Variants in TMCO5A observed in about 807,000 individuals in gnomAD.
TMCO5A encodes transmembrane and coiled-coil domain-containing protein 5A.
A neutral mutation model predicts 42.3 loss-of-function variants in TMCO5A; 34 were observed. The ratio of observed to expected loss-of-function variants is 0.80; its 90% confidence interval spans 0.61 to 1.07. The LOEUF is 1.07. TMCO5A is among the 50% of genes least tolerant of loss of function. The pLI, the probability that TMCO5A is intolerant of heterozygous loss-of-function variation, is 0.00. For missense variants in TMCO5A, 357 were observed against 327.9 expected, an observed-to-expected ratio of 1.09 and a Z score of -0.69; for synonymous variants, 131 against 115.6, an observed-to-expected ratio of 1.13 and a Z score of -0.86.
intron 11 of TMCO5A, among the ~76,000 whole-genome samples, chr15:37,949,795 A>G (rs1399763354): frequency 6.6e-6 from 1 of 152,176 alleles, no homozygotes; most frequent in Non-Finnish European, 1.5e-5. Context: ...GACTTCAAAG[A>G]ACAAACATTT....
chr15:38,000,512 CATTT>C, the TMCO5A span, among the ~76,000 whole-genome samples: 4 of 151,588 alleles, frequency 2.6e-5, no homozygotes, highest in African/African-American at 9.7e-5. Context: ...AAATTTCATT[CATTT>C]CTGTTAAGAT....
At chr15:37,960,458 T>C (rs1890394765) in intron 11 of TMCO5A, among the ~76,000 whole-genome samples, 1 of 152,134 alleles carries the variant, frequency 6.6e-6, no homozygotes, top group Admixed American at 6.6e-5. Flanking sequence ...GTTGGTTCCA[T>C]GATTTTGCAA....
chr15:38,037,279 G>T, the TMCO5A span, among the ~76,000 whole-genome samples: 1 of 152,166 alleles, frequency 6.6e-6, no homozygotes, highest in Admixed American at 6.5e-5. Flanking sequence ...CTCTATGTTG[G>T]TTTAATCCTA....
the TMCO5A span, among the ~76,000 whole-genome samples, chr15:38,017,673 A>G: frequency 1.3e-5 from 2 of 152,266 alleles, no homozygotes; most frequent in Middle Eastern, 3.4e-3. Flanking sequence ...CACAGCTTTT[A>G]GAAGTGCCCA....
At chr15:38,010,425 T>TCTCA in the TMCO5A span, among the ~76,000 whole-genome samples, 145 of 117,466 alleles carry the variant, frequency 1.2e-3, no homozygotes, top group Middle Eastern at 8.6e-3. Context: ...CAGAGGGAGA[T>TCTCA]CACACACACA....
chr15:37,997,962 G>A, the TMCO5A span, among the ~76,000 whole-genome samples: 2 of 152,134 alleles, frequency 1.3e-5, no homozygotes, highest in African/African-American at 4.8e-5. Context: ...TATGTTGAGT[G>A]CCTTTTCATA....
chr15:37,988,859 A>G, the TMCO5A span, among the ~76,000 whole-genome samples: 4 of 152,040 alleles, frequency 2.6e-5, no homozygotes, highest in Non-Finnish European at 4.4e-5. Flanking sequence ...TGCTGGCCTC[A>G]TAGAATTAGT....
the TMCO5A span, among the ~76,000 whole-genome samples, chr15:37,988,239 T>C: frequency 0.014 from 2,142 of 152,158 alleles, 59 homozygotes; most frequent in African/African-American, 0.049. Flanking sequence ...TTAACAATTT[T>C]ATTAGGTGAA....
At chr15:37,952,531 C>T (rs1890186129), downstream of TMCO5A, among the ~76,000 whole-genome samples, 1 of 152,122 alleles carries the variant, frequency 6.6e-6, no homozygotes, top group African/African-American at 2.4e-5. Context: ...CACCTGCTAA[C>T]TGAAAAGCCT....
the TMCO5A span, among the ~76,000 whole-genome samples, chr15:38,015,587 A>G: frequency 6.6e-6 from 1 of 152,198 alleles, no homozygotes; most frequent in African/African-American, 2.4e-5. Flanking sequence ...TGTCCACACA[A>G]AAGGTGTTTT....
the TMCO5A span, among the ~76,000 whole-genome samples, chr15:37,983,568 G>A: frequency 1.3e-5 from 2 of 152,052 alleles, no homozygotes; most frequent in African/African-American, 4.8e-5. Context: ...GGCACCAGAG[G>A]GACTCTCAAA....
the TMCO5A span, among the ~76,000 whole-genome samples, chr15:38,002,910 G>C: frequency 6.6e-6 from 1 of 152,116 alleles, no homozygotes; most frequent in Non-Finnish European, 1.5e-5. Context: ...CTTGATGCTT[G>C]TAGATGTTTG....
chr15:37,974,903 T>G, the TMCO5A span, among the ~76,000 whole-genome samples: 1 of 152,224 alleles, frequency 6.6e-6, no homozygotes, highest in African/African-American at 2.4e-5. Context: ...CTCTAAACAC[T>G]GCTATAGCTG....
the TMCO5A span, chr15:38,020,085 T>C: frequency 6.6e-6 from 1 of 152,100 alleles, no homozygotes; most frequent in Non-Finnish European, 1.5e-5. Context: ...CTCAAACTCC[T>C]GGGATCAAGT....
At chr15:37,939,705 T>A (rs539430336) in intron 6 of TMCO5A, among the ~76,000 whole-genome samples, 1 of 148,748 alleles carries the variant, frequency 6.7e-6, no homozygotes, top group African/African-American at 2.4e-5. Flanking sequence ...AGGTGATATC[T>A]CTAATTCTGT....
At chr15:37,960,517 A>G (rs1404380130) in intron 11 of TMCO5A, among the ~76,000 whole-genome samples, 1 of 152,194 alleles carries the variant, frequency 6.6e-6, no homozygotes, top group African/African-American at 2.4e-5. Flanking sequence ...TCTTTTTTGT[A>G]TGATGACTTC....
the TMCO5A span, among the ~76,000 whole-genome samples, chr15:38,038,044 A>G: frequency 6.6e-5 from 10 of 152,052 alleles, no homozygotes; most frequent in Admixed American, 6.6e-4. Context: ...AATACTAACA[A>G]TAATTGTTAA....
chr15:38,029,442 G>T, the TMCO5A span, among the ~76,000 whole-genome samples: 1 of 151,022 alleles, frequency 6.6e-6, no homozygotes, highest in South Asian at 2.1e-4. Flanking sequence ...ATCCTGAGAA[G>T]CATAATCCAC....
chr15:37,961,522 G>A (rs749542549), intron 11 of TMCO5A, among the ~76,000 whole-genome samples: 15 of 151,840 alleles, frequency 9.9e-5, no homozygotes, highest in Admixed American at 5.9e-4. Context: ...TTGGCTATGC[G>A]GGCTCCTTTT....
Sources: gnomAD v4.1 joint callset for allele counts (sites outside exome capture counted in the v4.1 genomes callset) on GRCh38, gnomAD v4.1.1 for gene constraint, MANE v1.5 for transcripts, NCBI Gene and HGNC (gene_info 2026-07-23, HGNC 2026-07-21) for gene names.